The following CDH23 variants were observed in gnomAD, a reference collection of about 807,000 sequenced individuals.
The protein encoded by CDH23 is cadherin related 23.
In CDH23, 189 loss-of-function variants were observed where a neutral mutation model predicts 317.1. The observed-to-expected ratio is 0.60, with a 90% CI of 0.53 to 0.67. CDH23 has a LOEUF of 0.67. Among genes scored for constraint, CDH23 ranks in the 30% least tolerant of loss-of-function variants. The probability of loss-of-function intolerance (pLI) is 0.00; values close to 1 mark genes in which losing one functional copy is unlikely to be tolerated. For synonymous variants in CDH23, 1,839 were observed against 1,876.8 expected (o/e 0.98, Z 0.52); for missense variants, 4,401 against 4,592.4 (o/e 0.96, Z 1.20).
chr10:71,760,606 C>T, intron 38 of CDH23: 1 of 438,504 alleles, frequency 2.3e-6, no homozygotes, highest in Non-Finnish European at 4.2e-6. Context: ...GGCACTTGCC[C>T]TGGCCAAAGG....
At chr10:71,779,166 A>T in intron 40 of CDH23, 101 bp from the exon 41 acceptor site, 1 of 1,131,426 alleles carries the variant, frequency 8.8e-7, no homozygotes, top group Non-Finnish European at 1.3e-6. Flanking sequence ...CATGGGCCTC[A>T]TGAGGCAGAA....
Position 71,427,301 on chromosome 10 carries a change from A to G in CDH23, c.-5-12526A>G, listed in dbSNP as rs552276453. Among the ~76,000 whole-genome samples the G allele has an allele frequency of 1.2e-4, 18 of 152,032 alleles. No homozygotes were observed. In the South Asian group the frequency reaches 3.8e-3, roughly 32 times the overall value. ...GAAAGCAAGCAAGCCCATACTTTTT[A>G]GCTACCCTCCCTCCCCGTTACCCCC... On this transcript the variant is annotated intron_variant, in intron 1 of 69. Coordinates refer to ENST00000224721, the MANE Select transcript of CDH23 (RefSeq NM_022124.6).
At chr10:71,609,995 T>A (rs76502743) in intron 9 of CDH23, among the ~76,000 whole-genome samples, 31,247 of 140,516 alleles carry the variant, frequency 0.22, 3,670 homozygotes, top group East Asian at 0.49. Context: ...TGTGTGTGTG[T>A]GAGAGAGACA....
At chr10:71,623,917 G>T (rs753174781) in intron 11 of CDH23, among the ~76,000 whole-genome samples, 3 of 152,098 alleles carry the variant, frequency 2.0e-5, no homozygotes, top group South Asian at 4.1e-4. Context: ...CAGAGAGAGC[G>T]CCCAAGCCAG....
intron 3 of CDH23, among the ~76,000 whole-genome samples, chr10:71,448,266 C>A (rs919032720): frequency 1.3e-5 from 2 of 152,254 alleles, no homozygotes; most frequent in Admixed American, 1.3e-4. Flanking sequence ...ATGTGGCCAG[C>A]CCTTCAGCAG....
At chr10:71,458,862 A>T (rs1388915257) in intron 3 of CDH23, among the ~76,000 whole-genome samples, 1 of 152,162 alleles carries the variant, frequency 6.6e-6, no homozygotes, top group African/African-American at 2.4e-5. Flanking sequence ...ATCTCGGCTC[A>T]CTGCAAGCTC....
At chr10:71,734,376 G>A (rs371625996) in intron 33 of CDH23, 35 bp downstream of exon 33, 121 of 1,571,294 alleles carry the variant, frequency 7.7e-5, no homozygotes, top group East Asian at 5.6e-4. Flanking sequence ...CCTCAGGTGC[G>A]GCCCATCGCT....
intron 11 of CDH23, among the ~76,000 whole-genome samples, chr10:71,632,899 ATTTC>A (rs1297507007): frequency 1.3e-5 from 2 of 152,146 alleles, no homozygotes; most frequent in Non-Finnish European, 2.9e-5. Flanking sequence ...AACAAAATTT[ATTTC>A]TTACAGCTAT....
intron 14 of CDH23, among the ~76,000 whole-genome samples, chr10:71,648,704 A>G (rs1252357825): frequency 1.3e-5 from 2 of 152,156 alleles, no homozygotes; most frequent in African/African-American, 2.4e-5. Context: ...CGAGCCCCTC[A>G]GGCTAGGTTT....
intron 17 of CDH23, 30 bp downstream of exon 17, chr10:71,679,522 C>A (rs1413328689): frequency 6.5e-7 from 1 of 1,535,162 alleles, no homozygotes; most frequent in Non-Finnish European, 8.9e-7. Context: ...CGGGGCCCAG[C>A]CAGGAGGAGG....
At chr10:71,639,029 G>A (rs1862407318) in intron 11 of CDH23, among the ~76,000 whole-genome samples, 1 of 152,220 alleles carries the variant, frequency 6.6e-6, no homozygotes, top group South Asian at 2.1e-4. Flanking sequence ...AGGGAGCCAG[G>A]AGGGATTTCA....
chr10:71,450,707 G>A (rs906526875), intron 3 of CDH23, among the ~76,000 whole-genome samples: 3 of 152,012 alleles, frequency 2.0e-5, no homozygotes, highest in Non-Finnish European at 2.9e-5. Flanking sequence ...GACACCACCC[G>A]CCCCTTCCCA....
chr10:71,697,441 G>A (rs528237341), intron 22 of CDH23, among the ~76,000 whole-genome samples: 1 of 152,324 alleles, frequency 6.6e-6, no homozygotes, highest in Non-Finnish European at 1.5e-5. Context: ...GGCCAAGGCA[G>A]GCAGATCGCT....
In CDH23 at chr10:71,637,986, G is replaced by A. The variant is rs370249608; in HGVS notation, c.1135-5875G>A. ...CACATTGTAGTTTACAGGGTTGGTTGACGGTCCCCTAGCATTTGAGGTACA... is the reference window on the plus strand; with the variant it reads ...CACATTGTAGTTTACAGGGTTGGTTAACGGTCCCCTAGCATTTGAGGTACA... On this transcript the variant is annotated intron_variant, in intron 11 of 69. Transcript: ENST00000224721. 2.3e-4 allele frequency among the ~76,000 whole-genome samples: 35 copies of A among 152,272 alleles called. No individual in the cohort carries two copies. The South Asian group carries it at 5.8e-3, about 25-fold the overall frequency.
intron 38 of CDH23, among the ~76,000 whole-genome samples, chr10:71,757,111 C>G (rs758968623): frequency 2.6e-5 from 4 of 152,228 alleles, no homozygotes; most frequent in Non-Finnish European, 4.4e-5. Context: ...TATTTCAAAA[C>G]CCCCATCAAA....
In CDH23 at chr10:71,537,548, G is replaced by A. The variant is rs115587691; in HGVS notation, c.429+26336G>A. Reference sequence around the variant, plus strand: ...TCTGCCAAGTGGCCTTAAAAACTGGGTGTTTTTAAGGGAATATAAAGAGCC... The same window carrying A: ...TCTGCCAAGTGGCCTTAAAAACTGGATGTTTTTAAGGGAATATAAAGAGCC... On this transcript the variant is annotated intron_variant, in intron 6 of 69. Transcript: ENST00000224721. Among the ~76,000 whole-genome samples, 745 of 152,306 alleles carry A rather than the reference G, an allele frequency of 4.9e-3. 5 individuals carry two copies. The highest frequency in any genetic ancestry group is 0.017 in the African/African-American group (715 of 41,560).
intron 6 of CDH23, among the ~76,000 whole-genome samples, chr10:71,561,998 G>T (rs1564654080): frequency 6.6e-6 from 1 of 152,100 alleles, no homozygotes; most frequent in Non-Finnish European, 1.5e-5. Flanking sequence ...GACCCAGGGC[G>T]AGTGTCCACA....
intron 1 of CDH23, among the ~76,000 whole-genome samples, chr10:71,420,391 G>A (rs887102293): frequency 6.7e-5 from 10 of 150,314 alleles, no homozygotes; most frequent in Admixed American, 4.0e-4. Flanking sequence ...CACACATGAT[G>A]ATGATGGTGA....
chr10:71,472,159 G>A (rs1384308359), intron 3 of CDH23, among the ~76,000 whole-genome samples: 1 of 152,186 alleles, frequency 6.6e-6, no homozygotes, highest in Non-Finnish European at 1.5e-5. Context: ...GCCTTCCTCA[G>A]GCTCCCAGAT....
Sources: allele counts gnomAD v4.1 joint callset (sites outside exome capture counted in the v4.1 genomes callset), GRCh38; gene constraint gnomAD v4.1.1; transcripts MANE v1.5; gene names NCBI Gene and HGNC (gene_info 2026-07-23, HGNC 2026-07-21).